Variants in RYR1 observed in about 807,000 individuals in gnomAD.
RYR1 encodes the protein central core disease of muscle.
In RYR1, 342 loss-of-function variants were observed where a neutral mutation model predicts 583.5. The ratio of observed to expected loss-of-function variants is 0.59; its 90% CI spans 0.54 to 0.64. The LOEUF (loss-of-function observed/expected upper bound fraction) is 0.64, where lower values mean the gene tolerates loss of function less well. RYR1 is among the 30% of genes least tolerant of loss of function. The probability of loss-of-function intolerance (pLI) is 0.00; values close to 1 mark genes in which losing one functional copy is unlikely to be tolerated. For synonymous variants in RYR1, 2,791 were observed against 2,822.5 expected (o/e 0.99, Z 0.35); for missense variants, 6,032 against 6,917.2 (o/e 0.87, Z 4.54).
rs1970900298 is a variant in RYR1, at chr19:38,515,103, G to GA, written c.9554dup (p.Leu3186AlafsTer125). The GA allele has an allele frequency of 2.1e-6, 3 of 1,455,568 alleles. No homozygotes were observed. The highest frequency in any genetic ancestry group is 2.8e-6 in the Non-Finnish European group (3 of 1,077,748). 90.2% of individuals were successfully genotyped at this position (1,455,568 alleles called of 1,614,324 possible). On this transcript the variant is annotated frameshift_variant, in exon 64 of 106. Coordinates refer to ENST00000359596, the MANE Select transcript of RYR1 (RefSeq NM_000540.3). LOFTEE classifies it high-confidence loss of function. Reference sequence around the variant, plus strand: ...GGGAACCACCAAGAACACTTATGTGGAAAAGTAAGGAGAGGGAGCCATCGT... The same window carrying GA: ...GGGAACCACCAAGAACACTTATGTGGAAAAAGTAAGGAGAGGGAGCCATCGT...
At chr19:38,555,507 C>A (rs1416497908) in intron 89 of RYR1, among the ~76,000 whole-genome samples, 3 of 150,960 alleles carry the variant, frequency 2.0e-5, no homozygotes, top group Non-Finnish European at 4.4e-5. Context: ...GTGTGTGTGG[C>A]CTTAAAAGAC....
At chr19:38,570,046 C>G (rs1217465609) in intron 93 of RYR1, among the ~76,000 whole-genome samples, 1 of 152,104 alleles carries the variant, frequency 6.6e-6, no homozygotes, top group Non-Finnish European at 1.5e-5. Context: ...TACCTGTAAT[C>G]CCAGCTACTT....
At chr19:38,534,882 CT>C in intron 79 of RYR1, 63 bp downstream of exon 79, 1 of 1,529,332 alleles carries the variant, frequency 6.5e-7, no homozygotes, top group Non-Finnish European at 8.9e-7. Flanking sequence ...CTCCTCCTGG[CT>C]CGCCCATTCC....
At chr19:38,457,919 T>G (rs544445723) in intron 17 of RYR1, 132 bp from the exon 18 acceptor site, 1 of 955,914 alleles carries the variant, frequency 1.0e-6, no homozygotes, top group African/African-American at 1.6e-5. Context: ...TCTTCCTCCA[T>G]GTCTTTCTCC....
chr19:38,523,061 G>A lies in RYR1; in HGVS notation c.10293G>A (p.Ala3431=), dbSNP rs750009828. 5.5e-5 allele frequency: 88 copies of A among 1,610,502 alleles called. No homozygotes were observed. Among genetic ancestry groups the A allele is most frequent in the Non-Finnish European group, 7.0e-5 (82 of 1,179,220 alleles). The part of the protein sequence containing the change: ...AQWLTEPNPS[A]EELFRMVGEI... ...GGCTGACGGAGCCGAATCCCAGCGC[G>A]GAGGAGCTGTTCAGGATGGTGGGCG... Residue 3431 remains alanine, a synonymous_variant, in exon 68 of 106, where the codon GCG becomes GCA. Coordinates refer to ENST00000359596, the MANE Select transcript of RYR1 (RefSeq NM_000540.3).
chr19:38,559,328 G>A (rs1271324247), intron 89 of RYR1, among the ~76,000 whole-genome samples: 1 of 149,744 alleles, frequency 6.7e-6, no homozygotes, highest in African/African-American at 2.5e-5. Flanking sequence ...CCGCCTCCCA[G>A]GTTCAAGCCA....
At chr19:38,471,117 C>T (rs941246502) in intron 27 of RYR1, among the ~76,000 whole-genome samples, 7 of 152,204 alleles carry the variant, frequency 4.6e-5, no homozygotes, top group Admixed American at 2.6e-4. Flanking sequence ...ACAGGCAGAG[C>T]GGATCTGTGG....
At chr19:38,559,092 A>G (rs1482497773) in intron 89 of RYR1, among the ~76,000 whole-genome samples, 1 of 152,324 alleles carries the variant, frequency 6.6e-6, no homozygotes, top group Middle Eastern at 3.4e-3. Context: ...CTCCGTCTCA[A>G]TAAGTAAGTA....
rs775307591 is a variant in RYR1 at position 38,516,234 on chromosome 19, G to A, written c.9685+17G>A. 20 of 1,582,328 alleles carry A rather than the reference G, an allele frequency of 1.3e-5. No individual in the cohort carries two copies. The highest frequency in any genetic ancestry group is 6.9e-5 in the East Asian group (3 of 43,418). ...AGCGGGCCAGTAAGCTGTGTGGGGC[G>A]GGAGCAGTGCTGGGAGTCCAAATCT... On this transcript the variant is annotated intron_variant, in intron 65 of 105. Transcript: ENST00000359596.
intron 83 of RYR1, among the ~76,000 whole-genome samples, chr19:38,537,540 T>C (rs1972027395): frequency 6.6e-6 from 1 of 152,172 alleles, no homozygotes; most frequent in Non-Finnish European, 1.5e-5. Context: ...CTGAGGGCAT[T>C]ACCAGCTGCC....
In RYR1 at chr19:38,587,358, TGTTGGG is replaced by T. The variant is rs1974544557; in HGVS notation, c.15056_15061del (p.Cys5019_Asp5021delinsTyr). 6.2e-7 allele frequency: 1 copy of T among 1,613,996 alleles called. No individual in the cohort carries two copies. Among genetic ancestry groups the T allele is most frequent in the Non-Finnish European group, 8.5e-7 (1 of 1,179,948 alleles). ...TGTCTGGAAGATGTACCAAGAGAGA[TGTTGGG>T]ATTTCTTCCCAGCTGGTGATTGTTT... On this transcript the variant is annotated inframe_deletion, in exon 106 of 106. Transcript: ENST00000359596.
chr19:38,567,220 G>A lies in RYR1; in HGVS notation c.13514+233G>A, dbSNP rs180950632. 1.2e-4 allele frequency among the ~76,000 whole-genome samples: 19 copies of A among 152,266 alleles called. No individual in the cohort carries two copies. In the East Asian group the frequency reaches 3.7e-3, roughly 29 times the overall value. ...ATTAGCCAAGCATGGTGGTGTGTGGGGAGGCTGAGGTGGGAGGATCACTTG... is the reference window on the plus strand; with the variant it reads ...ATTAGCCAAGCATGGTGGTGTGTGGAGAGGCTGAGGTGGGAGGATCACTTG... On this transcript the variant is annotated intron_variant, in intron 92 of 105. Transcript: ENST00000359596.
chr19:38,534,638 G>A, intron 78 of RYR1, 82 bp from the exon 79 acceptor site: 3 of 1,198,780 alleles, frequency 2.5e-6, no homozygotes, highest in Non-Finnish European at 3.6e-6. Context: ...CTGGAACAGG[G>A]AGGGCAGAAG....
At chr19:38,439,489 G>C (rs141189721) in intron 1 of RYR1, among the ~76,000 whole-genome samples, 2 of 151,498 alleles carry the variant, frequency 1.3e-5, no homozygotes, top group Non-Finnish European at 2.9e-5. Flanking sequence ...GTGAGCCACC[G>C]CACCCGGCTA....
Position 38,473,688 on chromosome 19 carries a change from C to T in RYR1, c.4077C>T (p.Gly1359=). 1 of 1,550,162 alleles carries T rather than the reference C, an allele frequency of 6.5e-7. No homozygotes were observed. The highest frequency in any genetic ancestry group is 8.7e-7 in the Non-Finnish European group (1 of 1,146,936). Residue 1359 remains glycine (G), a synonymous_variant, in exon 28 of 106, where the codon GGC becomes GGT. Transcript: ENST00000359596. ...EGTAKEGAPG[G]TPQAGGEAQP... ...CTGCGAAGGAGGGCGCCCCCGGGGGCACCCCGCAGGCGGGGGGAGAGGCGC... is the reference window on the plus strand; with the variant it reads ...CTGCGAAGGAGGGCGCCCCCGGGGGTACCCCGCAGGCGGGGGGAGAGGCGC...
chr19:38,535,861 G>T, intron 81 of RYR1, 136 bp from the exon 82 acceptor site: 1 of 790,412 alleles, frequency 1.3e-6, no homozygotes, highest in Non-Finnish European at 2.2e-6. Context: ...CTTCATTTCT[G>T]CTTCCTCTTG....
Position 38,444,632 on chromosome 19 carries a change from C to T in RYR1, c.586C>T (p.Gln196Ter). 1 of 1,614,032 alleles carries T rather than the reference C, an allele frequency of 6.2e-7. No homozygotes were observed. Among genetic ancestry groups the T allele is most frequent in the Non-Finnish European group, 8.5e-7 (1 of 1,179,972 alleles). Residue 196 changes from glutamine to a stop codon, truncating the protein, a stop_gained, in exon 7 of 106, where the codon CAG becomes TAG. Transcript: ENST00000359596. LOFTEE classifies it high-confidence loss of function. The surrounding 1 kb of genome is among the most constrained non-coding windows in gnomAD (Gnocchi z 5.1). ...GELQVDASFMQTLWNMNPICS... is the reference protein window; with the variant it reads ...GELQVDASFM ...GCTCCAGGTTGACGCTTCCTTCATG[C>T]AGACACTATGGAACATGAACCCCAT...
At chr19:38,568,435 G>A (rs141647591) in intron 93 of RYR1, among the ~76,000 whole-genome samples, 2,280 of 152,112 alleles carry the variant, frequency 0.015, 48 homozygotes, top group African/African-American at 0.049. Flanking sequence ...GGCCTGGCCC[G>A]ATAGGAGGGG....
intron 13 of RYR1, among the ~76,000 whole-genome samples, chr19:38,454,989 T>C (rs1967287552): frequency 6.6e-6 from 1 of 151,940 alleles, no homozygotes; most frequent in Admixed American, 6.6e-5. Flanking sequence ...TAATAAGGAC[T>C]GAATTATCAT....
Sources: allele counts gnomAD v4.1 joint callset (sites outside exome capture counted in the v4.1 genomes callset), GRCh38; gene constraint gnomAD v4.1.1; non-coding constraint Gnocchi (gnomAD v3.1); transcripts MANE v1.5; gene names NCBI Gene and HGNC (gene_info 2026-07-23, HGNC 2026-07-21).